The following ZNF385B variants were observed in gnomAD, a reference collection of about 807,000 sequenced individuals.
ZNF385B encodes zinc finger protein 533.
ZNF385B carries 23 observed loss-of-function variants against 39.2 expected under a neutral mutation model. The observed-to-expected ratio is 0.59, with a 90% CI of 0.42 to 0.83. ZNF385B has a LOEUF of 0.83. Ranked by LOEUF, ZNF385B falls within the 40% of genes least tolerant of loss-of-function variation. ZNF385B has a pLI of 0.00. For synonymous variants in ZNF385B, 205 were observed against 222.6 expected (o/e 0.92, Z 0.70); for missense variants, 552 against 598.9 (o/e 0.92, Z 0.82).
intron 1 of ZNF385B, among the ~76,000 whole-genome samples, chr2:179,778,040 G>C (rs1217600002): frequency 1.3e-5 from 2 of 151,940 alleles, no homozygotes; most frequent in Non-Finnish European, 1.5e-5. Context: ...CTGTCAAGAG[G>C]TTTTTTTTAA....
intron 3 of ZNF385B, among the ~76,000 whole-genome samples, chr2:179,617,153 G>A (rs975900779): frequency 3.3e-5 from 5 of 152,166 alleles, no homozygotes; most frequent in African/African-American, 9.7e-5. Flanking sequence ...CTATATGTTT[G>A]TCTTGGATAT....
At chr2:179,574,592 A>C (rs933333288) in intron 3 of ZNF385B, among the ~76,000 whole-genome samples, 2 of 152,216 alleles carry the variant, frequency 1.3e-5, no homozygotes, top group African/African-American at 4.8e-5. Context: ...AACTGTAGCT[A>C]CTTACAGGAA....
At chr2:179,737,401 T>C (rs887508099) in intron 3 of ZNF385B, among the ~76,000 whole-genome samples, 4 of 152,204 alleles carry the variant, frequency 2.6e-5, no homozygotes, top group African/African-American at 9.7e-5. Flanking sequence ...CTCCCTTTTT[T>C]TTTCCTGCCC....
intron 4 of ZNF385B, among the ~76,000 whole-genome samples, chr2:179,535,902 A>G (rs1448422239): frequency 6.6e-6 from 1 of 152,228 alleles, no homozygotes; most frequent in African/African-American, 2.4e-5. Context: ...CCCCCAAGGG[A>G]TGTGAGACTT....
chr2:179,711,424 G>A (rs150018611), intron 3 of ZNF385B, among the ~76,000 whole-genome samples: 270 of 152,288 alleles, frequency 1.8e-3, no homozygotes, highest in Middle Eastern at 0.014. Flanking sequence ...GGAAATAGTG[G>A]AAGAATGACA....
intron 3 of ZNF385B, among the ~76,000 whole-genome samples, chr2:179,702,472 T>C (rs1036378371): frequency 6.6e-6 from 1 of 152,342 alleles, no homozygotes; most frequent in Non-Finnish European, 1.5e-5. Flanking sequence ...CTGGACTCGT[T>C]TATTGAAAAG....
In ZNF385B at chr2:179,749,178, T is replaced by TA. The variant is rs538463338; in HGVS notation, c.298+20324dup. ...TGAGTAACACTTCAGGGCTATGATT[T>TA]AAAAAAAAAGCTCCCTATACCTTTC... is the stretch of plus-strand genomic sequence containing the variant. On this transcript the variant is annotated intron_variant, in intron 3 of 9. Transcript: ENST00000410066. 6.6e-3 allele frequency among the ~76,000 whole-genome samples: 994 copies of TA among 150,704 alleles called. 9 individuals carry two copies. Among genetic ancestry groups the TA allele is most frequent in the African/African-American group, 0.022 (893 of 41,142 alleles).
intron 3 of ZNF385B, among the ~76,000 whole-genome samples, chr2:179,557,819 G>A (rs542291487): frequency 2.6e-5 from 4 of 151,858 alleles, no homozygotes; most frequent in South Asian, 2.1e-4. Context: ...TGATCCTGTT[G>A]CCCAAGTAAT....
chr2:179,704,738 T>A (rs955328534), intron 3 of ZNF385B, among the ~76,000 whole-genome samples: 25 of 152,224 alleles, frequency 1.6e-4, no homozygotes, highest in African/African-American at 5.8e-4. Context: ...CCAGGATCTG[T>A]TGTCAATGTG....
intron 3 of ZNF385B, among the ~76,000 whole-genome samples, chr2:179,591,781 A>G (rs1687588773): frequency 6.6e-6 from 1 of 152,062 alleles, no homozygotes; most frequent in Non-Finnish European, 1.5e-5. Context: ...AGATAAACTG[A>G]GGCTCAGGCA....
At chr2:179,769,302 C>T (rs1703877353) in intron 3 of ZNF385B, among the ~76,000 whole-genome samples, 1 of 152,098 alleles carries the variant, frequency 6.6e-6, no homozygotes, top group Non-Finnish European at 1.5e-5. Flanking sequence ...TGTGTGTGTG[C>T]CAGTGTGTAT....
At chr2:179,639,988 C>A (rs1351573226) in intron 3 of ZNF385B, among the ~76,000 whole-genome samples, 1 of 152,098 alleles carries the variant, frequency 6.6e-6, no homozygotes, top group African/African-American at 2.4e-5. Context: ...GCCAAAAATG[C>A]TTAATCTTAA....
chr2:179,798,561 G>T (rs1705827301), intron 1 of ZNF385B, among the ~76,000 whole-genome samples: 1 of 152,046 alleles, frequency 6.6e-6, no homozygotes, highest in African/African-American at 2.4e-5. Context: ...ATTCCAGTAT[G>T]CAAGGACACA....
At chr2:179,573,825 T>C (rs1169123453) in intron 3 of ZNF385B, among the ~76,000 whole-genome samples, 1 of 152,148 alleles carries the variant, frequency 6.6e-6, no homozygotes, top group Non-Finnish European at 1.5e-5. Flanking sequence ...AATGCCTATG[T>C]GGCTTTGGAT....
intron 3 of ZNF385B, among the ~76,000 whole-genome samples, chr2:179,755,218 C>A (rs58217303): frequency 0.11 from 16,680 of 152,148 alleles, 1,552 homozygotes; most frequent in East Asian, 0.48. Flanking sequence ...GCAGGTTGTT[C>A]AGTTTCCATG....
intron 3 of ZNF385B, among the ~76,000 whole-genome samples, chr2:179,666,523 A>C (rs1695178119): frequency 6.6e-6 from 1 of 152,238 alleles, no homozygotes; most frequent in Non-Finnish European, 1.5e-5. Context: ...AAGATTTAAC[A>C]AACAGATGTT....
chr2:179,743,657 T>C (rs972689156), intron 3 of ZNF385B, among the ~76,000 whole-genome samples: 1 of 152,116 alleles, frequency 6.6e-6, no homozygotes, highest in Admixed American at 6.6e-5. Flanking sequence ...TGATCACCTC[T>C]ATTTCAAAAT....
intron 3 of ZNF385B, among the ~76,000 whole-genome samples, chr2:179,573,376 C>G (rs1390047888): frequency 1.3e-5 from 2 of 151,546 alleles, no homozygotes; most frequent in East Asian, 3.9e-4. Context: ...TTTATTTTGC[C>G]AAAACACCAA....
chr2:179,443,040 T>C lies in ZNF385B; in HGVS notation c.*210A>G. 1.6e-6 allele frequency: 1 copy of C among 643,370 alleles called. No individual in the cohort carries two copies. Among genetic ancestry groups the C allele is most frequent in the South Asian group, 1.8e-5 (1 of 54,598 alleles). The allele number at this position is 643,370 out of a possible 1,614,324, so 39.9% of individuals were successfully genotyped here. A position where few individuals can be genotyped will look rare whatever the true frequency, so the allele number is the denominator to read the frequency against. ...GGAGGAAGTAGGGAGATAAAGCCTA[T>C]GCTGCTGATTCCTCAATTATAGGAG... On this transcript the variant is annotated 3_prime_UTR_variant, in exon 10 of 10. Coordinates refer to ENST00000410066, the MANE Select transcript of ZNF385B (RefSeq NM_152520.6).
Sources: gnomAD v4.1 joint callset for allele counts (sites outside exome capture counted in the v4.1 genomes callset) on GRCh38, gnomAD v4.1.1 for gene constraint, MANE v1.5 for transcripts, NCBI Gene and HGNC (gene_info 2026-07-23, HGNC 2026-07-21) for gene names.